The following COL6A1 variants were observed in gnomAD, a reference collection of about 807,000 sequenced individuals.
The protein encoded by COL6A1 is collagen alpha-1(VI) chain.
A neutral mutation model predicts 145.6 loss-of-function variants in COL6A1; 80 were observed. That is an observed-to-expected ratio of 0.55 (90% confidence interval 0.46 to 0.66). COL6A1 has a LOEUF of 0.66. COL6A1 is among the 30% of genes least tolerant of loss of function. COL6A1 has a pLI of 0.00. For synonymous variants in COL6A1, 638 were observed against 622.8 expected (o/e 1.02, Z -0.36); for missense variants, 1,364 against 1,473.8 (o/e 0.93, Z 1.22).
chr21:46,001,618 C>T (rs1271635002), intron 30 of COL6A1, among the ~76,000 whole-genome samples: 2 of 152,222 alleles, frequency 1.3e-5, no homozygotes, highest in Non-Finnish European at 2.9e-5. Context: ...CTCCCCCTCT[C>T]CTTGAAGGGC....
intron 2 of COL6A1, 84 bp downstream of exon 2, chr21:45,982,847 G>C: frequency 6.4e-7 from 1 of 1,573,186 alleles, no homozygotes; most frequent in Non-Finnish European, 8.6e-7. Flanking sequence ...ACACGGGTGC[G>C]ACGGCCTCAA....
chr21:45,999,187 C>T lies in COL6A1; in HGVS notation c.1709C>T (p.Ala570Val). ...ATTGCACCCCGAGGAGTCAAAGGAG[C>T]AAAGGGGTACCGGGGTCCCGAGGGC... ...NDIAPRGVKGAKGYRGPEGPQ... is the reference protein window; with the variant it reads ...NDIAPRGVKGVKGYRGPEGPQ... Residue 570 changes from alanine to valine, a missense_variant, in exon 26 of 35, where the codon GCA becomes GTA. Transcript: ENST00000361866. The T allele has an allele frequency of 6.2e-7, 1 of 1,602,924 alleles. No homozygotes were observed. The highest frequency in any genetic ancestry group is 8.5e-7 in the Non-Finnish European group (1 of 1,175,706).
chr21:45,982,899 C>T (rs1418556575), intron 2 of COL6A1, 136 bp downstream of exon 2: 3 of 1,272,070 alleles, frequency 2.4e-6, no homozygotes, highest in Non-Finnish European at 3.3e-6. Flanking sequence ...CGGGGCCCCT[C>T]CCGGCGCCCT....
intron 27 of COL6A1, among the ~76,000 whole-genome samples, chr21:46,000,107 G>A (rs1397151324): frequency 6.7e-6 from 1 of 149,494 alleles, no homozygotes; most frequent in Non-Finnish European, 1.5e-5. Context: ...GACCCGTGAC[G>A]GCCACGGGGA....
At position 45,981,791 on chromosome 21, in the gene COL6A1, G is replaced by A. The variant is rs2077708234; in HGVS notation, c.-60G>A. 7.8e-7 allele frequency: 1 copy of A among 1,274,856 alleles called. No homozygotes were observed. The highest frequency in any genetic ancestry group is 2.1e-5 in the Admixed American group (1 of 47,808). 79.0% of individuals were successfully genotyped at this position (1,274,856 alleles called of 1,614,324 possible). On this transcript the variant is annotated 5_prime_UTR_variant, in exon 1 of 35. Transcript: ENST00000361866. ...GAGCAGAAGGCAGCCTCGGTCTCTG[G>A]GCGGCGGCGGCGGCCCACTCTGCCC...
chr21:45,985,494 A>T (rs1406867951), intron 3 of COL6A1, among the ~76,000 whole-genome samples: 1 of 152,214 alleles, frequency 6.6e-6, no homozygotes, highest in Non-Finnish European at 1.5e-5. Flanking sequence ...AACACCAAGC[A>T]GGGCTAGGAT....
intron 3 of COL6A1, 124 bp downstream of exon 3, chr21:45,984,593 C>T (rs565506693): frequency 1.4e-5 from 13 of 899,916 alleles, no homozygotes; most frequent in Non-Finnish European, 1.8e-5. Flanking sequence ...GGAGGCTGCA[C>T]GGCCTCCCTG....
chr21:45,998,901 C>A lies in COL6A1; in HGVS notation c.1616C>A (p.Thr539Lys), dbSNP rs1280497301. 6.4e-7 allele frequency: 1 copy of A among 1,554,922 alleles called. No individual in the cohort carries two copies. The highest frequency in any genetic ancestry group is 8.7e-7 in the Non-Finnish European group (1 of 1,148,704). Residue 539 changes from threonine (T) to lysine (K), a missense_variant, in exon 25 of 35, where the codon ACG becomes AAG. Around this residue, in one of 3 missense-constraint regions of COL6A1, gnomAD observed 938 missense variants for 1,003.8 expected, o/e 0.93. Coordinates refer to ENST00000361866, the MANE Select transcript of COL6A1 (RefSeq NM_001848.3). ...AGTGCTCTCCCGTCACTGCAGGGCA[C>A]GAAGGGCTACCCCGGCCTCAAGGGG... ...GNRGAPGING[T>K]KGYPGLKGDE...
rs557414467 is a variant in COL6A1, at chr21:46,004,385, C to A, written c.*372C>A. ...TCTCCTGCCCTGCCCTCCTGCCCGCCCTCCCTCCTGCCTGCGCAGCTCCTT... is the reference window on the plus strand; with the variant it reads ...TCTCCTGCCCTGCCCTCCTGCCCGCACTCCCTCCTGCCTGCGCAGCTCCTT... On this transcript the variant is annotated 3_prime_UTR_variant, in exon 35 of 35. Transcript: ENST00000361866. 1.6e-5 allele frequency: 6 copies of A among 375,964 alleles called. No individual in the cohort carries two copies. The highest frequency in any genetic ancestry group is 2.5e-5 in the Non-Finnish European group (5 of 199,966). The allele number at this position is 375,964 out of a possible 1,614,324, so 23.3% of individuals were successfully genotyped here. A position where few individuals can be genotyped will look rare whatever the true frequency, so the allele number is the denominator to read the frequency against.
In COL6A1 at chr21:46,001,306, A is replaced by G; in HGVS notation, c.1876A>G (p.Ile626Val). The G allele has an allele frequency of 6.2e-7, 1 of 1,612,694 alleles. No homozygotes were observed. ...LLFVLDSSESIGLQNFEIAKD... is the reference protein window; with the variant it reads ...LLFVLDSSESVGLQNFEIAKD... ...GTTCGTGCTGGACAGCTCAGAGAGCATTGGCCTGCAGAACTTCGAGATTGC... is the reference window on the plus strand; with the variant it reads ...GTTCGTGCTGGACAGCTCAGAGAGCGTTGGCCTGCAGAACTTCGAGATTGC... Residue 626 changes from isoleucine to valine, a missense_variant, in exon 30 of 35, where the codon ATT (isoleucine) becomes GTT (valine). Ile to Val is a conservative substitution (Grantham distance 29). This residue lies in a region of COL6A1 where 938 missense variants were observed against 1,003.8 expected (regional missense o/e 0.93). Transcript: ENST00000361866.
Position 46,001,278 on chromosome 21 carries a change from C to T in COL6A1, c.1848C>T (p.Leu616=), listed in dbSNP as rs1417726117. 5 of 1,611,048 alleles carry T rather than the reference C, an allele frequency of 3.1e-6. No homozygotes were observed. The highest frequency in any genetic ancestry group is 4.2e-6 in the Non-Finnish European group (5 of 1,179,726). ...AATGCAAGTGCGGCCCCATCGACCT[C>T]CTGTTCGTGCTGGACAGCTCAGAGA... ...CCECKCGPID[L]LFVLDSSESI... is the part of the protein sequence containing the mutation. The change falls in exon 30 of 35, where the codon CTC becomes CTT. Residue 616 remains leucine, a synonymous_variant. Transcript: ENST00000361866.
In COL6A1 at chr21:45,990,145, T is replaced by A. The variant is rs919373977; in HGVS notation, c.931-113T>A. On this transcript the variant is annotated intron_variant, in intron 11 of 34. Transcript: ENST00000361866. ...GTCCCCATGATTCTCAGCAGTGATG[T>A]TGTCCCCTCGGGTTGGGGGCACCCA... The A allele has an allele frequency of 2.3e-6, 3 of 1,290,384 alleles. No individual in the cohort carries two copies. In the African/African-American group the frequency reaches 4.4e-5, roughly 19 times the overall value. 79.9% of individuals were successfully genotyped at this position (1,290,384 alleles called of 1,614,324 possible).
chr21:45,994,206 C>A lies in COL6A1; in HGVS notation c.1375C>A (p.Pro459Thr). The change falls in exon 20 of 35, where the codon CCC (proline) becomes ACC (threonine). Residue 459 changes from proline to threonine, a missense_variant. Pro to Thr is a conservative substitution (Grantham distance 38). This residue lies in a region of COL6A1 where 938 missense variants were observed against 1,003.8 expected (regional missense o/e 0.93). Coordinates refer to ENST00000361866, the MANE Select transcript of COL6A1 (RefSeq NM_001848.3). This position sits in a 1 kb window ranked among gnomAD's most constrained non-coding sequence, Gnocchi z 6.8. Reference sequence around the variant, plus strand: ...GCAGGGTGATCAGGGAAGAGAAGGCCCCGTTGGTGTCCCTGGAGACCCGGT... The same window carrying A: ...GCAGGGTGATCAGGGAAGAGAAGGCACCGTTGGTGTCCCTGGAGACCCGGT... ...GPQGDQGREG[P>T]VGVPGDPGEA... The A allele has an allele frequency of 6.2e-7, 1 of 1,609,418 alleles. No individual in the cohort carries two copies. The highest frequency in any genetic ancestry group is 8.5e-7 in the Non-Finnish European group (1 of 1,178,488).
At chr21:45,999,976 TGGAG>T (rs1569518925) in intron 27 of COL6A1, among the ~76,000 whole-genome samples, 1 of 9,828 alleles carries the variant, frequency 1.0e-4, no homozygotes, top group Non-Finnish European at 1.9e-4. Context: ...GTGAGGATCA[TGGAG>T]GGGGACATGT....
intron 13 of COL6A1, 68 bp downstream of exon 13, chr21:45,990,490 AGTGGACGGCGTGAAGGTGACCCGG>A: frequency 5.0e-6 from 1 of 201,096 alleles, no homozygotes. Flanking sequence ...GGAGGGACGG[AGTGGACGGCGTGAAGGTGACCCGG>A]GGAGGGATGG....
Position 45,994,166 on chromosome 21 carries a change from G to C in COL6A1, c.1336-1G>C, listed in dbSNP as rs112980450. The C allele has an allele frequency of 6.3e-7, 1 of 1,599,682 alleles. No individual in the cohort carries two copies. The highest frequency in any genetic ancestry group is 8.5e-7 in the Non-Finnish European group (1 of 1,174,334). On this transcript the variant is annotated splice_acceptor_variant, in intron 19 of 34. Coordinates refer to ENST00000361866, the MANE Select transcript of COL6A1 (RefSeq NM_001848.3). LOFTEE classifies it high-confidence loss of function. This position sits in a 1 kb window ranked among gnomAD's most constrained non-coding sequence, Gnocchi z 6.8. ...CACACTCACGGCTCGTTTCTCTTCA[G>C]GGTGAAGCTGGCCCGCAGGGTGATC...
chr21:45,999,861 C>CGTGAAGATCATAGGGGGACAT lies in COL6A1; in HGVS notation c.1776+173_1776+174insAGATCATAGGGGGACATGTGA, dbSNP rs1189768702. 8.9e-5 allele frequency among the ~76,000 whole-genome samples: 5 copies of CGTGAAGATCATAGGGGGACAT among 56,318 alleles called. 1 individual carries two copies. Among genetic ancestry groups the CGTGAAGATCATAGGGGGACAT allele is most frequent in the Non-Finnish European group, 1.4e-4 (4 of 29,504 alleles). The allele number at this position is 56,318 out of a possible 152,430, so 36.9% of individuals were successfully genotyped here. A position where few individuals can be genotyped will look rare whatever the true frequency, so the allele number is the denominator to read the frequency against. ...GACCCGTGACGGCCATGGGAGGACC[C>CGTGAAGATCATAGGGGGACAT]GTGAGGATCATAGGGGGATGTGTGA... is the stretch of plus-strand genomic sequence containing the variant. On this transcript the variant is annotated intron_variant, in intron 27 of 34. Coordinates refer to ENST00000361866, the MANE Select transcript of COL6A1 (RefSeq NM_001848.3).
chr21:45,997,468 T>C lies in COL6A1; in HGVS notation c.1446T>C (p.Gly482=), dbSNP rs750382065. The change falls in exon 21 of 35, where the codon GGT becomes GGC. Residue 482 remains glycine, a synonymous_variant. Coordinates refer to ENST00000361866, the MANE Select transcript of COL6A1 (RefSeq NM_001848.3). The part of the protein sequence containing the change: ...IGPKGYRGDE[G]PPGSEGARGA... The stretch of plus-strand genomic sequence containing the variant: ...CTAAAGGCTACCGAGGCGATGAGGG[T>C]CCCCCAGGGTCCGAGGTGAGTCCCA... 3.1e-6 allele frequency: 5 copies of C among 1,611,200 alleles called. No homozygotes were observed. The East Asian group carries it at 1.1e-4, about 36-fold the overall frequency.
In COL6A1 at chr21:45,987,496, C is replaced by T. The variant is rs778277317; in HGVS notation, c.739-3C>T. ...GACTCGTCTCCATGCTTTCCCCCCA[C>T]AGTGCTGCTCCTTCGAATGCCAGGT... On this transcript the variant is annotated splice_region_variant and splice_polypyrimidine_tract_variant and intron_variant, in intron 6 of 34. Coordinates refer to ENST00000361866, the MANE Select transcript of COL6A1 (RefSeq NM_001848.3). The T allele has an allele frequency of 5.6e-6, 9 of 1,613,096 alleles. No homozygotes were observed. Among genetic ancestry groups the T allele is most frequent in the South Asian group, 1.1e-5 (1 of 91,086 alleles).
Sources: gnomAD v4.1 joint callset for allele counts (sites outside exome capture counted in the v4.1 genomes callset) on GRCh38, gnomAD v4.1.1 for gene constraint, gnomAD v4.1.1 regional missense constraint, Gnocchi (gnomAD v3.1) non-coding constraint, MANE v1.5 for transcripts, NCBI Gene and HGNC (gene_info 2026-07-23, HGNC 2026-07-21) for gene names.